The following RBFOX1 variants were observed in gnomAD, a reference collection of about 807,000 sequenced individuals.
RBFOX1 encodes RNA binding fox-1 homolog 1, also known as RNA binding protein fox-1 homolog 1.
RBFOX1 carries 8 observed loss-of-function variants against 57.7 expected under a neutral mutation model. The observed-to-expected ratio is 0.14, with a 90% CI of 0.08 to 0.25. The LOEUF (loss-of-function observed/expected upper bound fraction) is 0.25, where lower values mean the gene tolerates loss of function less well. Ranked by LOEUF, RBFOX1 falls within the 10% of genes least tolerant of loss-of-function variation. RBFOX1 has a pLI of 1.00. For missense variants in RBFOX1, 611 were observed against 548.5 expected (o/e 1.11, Z -1.14); for synonymous variants, 326 against 222.4 (o/e 1.47, Z -4.15).
intron 3 of RBFOX1, among the ~76,000 whole-genome samples, chr16:6,961,710 C>T (rs766318627): frequency 6.6e-6 from 1 of 152,138 alleles, no homozygotes; most frequent in Admixed American, 6.5e-5. Flanking sequence ...GTTCCTTCCT[C>T]ACCTTTAGAC....
At chr16:5,381,219 G>A (rs76065136) in intron 1 of RBFOX1, among the ~76,000 whole-genome samples, 4,861 of 152,324 alleles carry the variant, frequency 0.032, 109 homozygotes, top group Middle Eastern at 0.065. Context: ...TCAGTAAAAG[G>A]CAGGGCAGAC....
At chr16:6,822,251 A>G (rs2091434404) in intron 3 of RBFOX1, among the ~76,000 whole-genome samples, 1 of 152,146 alleles carries the variant, frequency 6.6e-6, no homozygotes. Context: ...TTGAGTATCA[A>G]TGCTCAGTAG....
rs545365215 is a variant in RBFOX1, at chr16:6,447,887, C to G, written c.-64+130830C>G. 9.2e-4 allele frequency among the ~76,000 whole-genome samples: 140 copies of G among 152,204 alleles called. 1 individual carries two copies. The highest frequency in any genetic ancestry group is 4.8e-3 in the South Asian group (23 of 4,816). On this transcript the variant is annotated intron_variant, in intron 2 of 15. Transcript: ENST00000550418. ...ATCGGAGTGAACCTGTGTGTTAGGA[C>G]TTGTTCAAGGGAGTGACATCACACA...
intron 15 of RBFOX1, chr16:7,709,568 C>A (rs1483342857): frequency 6.5e-7 from 1 of 1,529,826 alleles, no homozygotes; most frequent in South Asian, 1.2e-5. Flanking sequence ...TGTCAGGCAG[C>A]TGAGAATCTG....
chr16:7,263,163 T>C (rs1040514720), intron 4 of RBFOX1, among the ~76,000 whole-genome samples: 3 of 152,222 alleles, frequency 2.0e-5, no homozygotes, highest in Non-Finnish European at 4.4e-5. Flanking sequence ...TTATGTGTAT[T>C]TCTTCTCTGT....
At chr16:6,745,609 T>A (rs1206835921) in intron 3 of RBFOX1, among the ~76,000 whole-genome samples, 1 of 152,194 alleles carries the variant, frequency 6.6e-6, no homozygotes, top group Admixed American at 6.5e-5. Context: ...GATTCTAGTT[T>A]TTTAAAAAGC....
At chr16:6,562,306 C>T (rs1323442507) in intron 2 of RBFOX1, among the ~76,000 whole-genome samples, 1 of 152,182 alleles carries the variant, frequency 6.6e-6, no homozygotes, top group Non-Finnish European at 1.5e-5. Context: ...TTGTACAGAA[C>T]AGTCATTGTA....
intron 2 of RBFOX1, among the ~76,000 whole-genome samples, chr16:5,496,502 C>T (rs988251217): frequency 1.3e-5 from 2 of 152,278 alleles, no homozygotes; most frequent in Admixed American, 1.3e-4. Context: ...CATCTTCTTT[C>T]CTCATCTCTC....
At chr16:7,023,632 A>G (rs1057212570) in intron 3 of RBFOX1, among the ~76,000 whole-genome samples, 2 of 149,220 alleles carry the variant, frequency 1.3e-5, no homozygotes, top group African/African-American at 4.9e-5. Context: ...TAATTTCAGC[A>G]CTGGGAAGGC....
rs141044668 is a variant in RBFOX1, at chr16:7,084,978, C to T, written c.27+32880C>T. ...TCTATGTATCTGTCTGTCTGTCTGT[C>T]CATCCGTCCATCCATCCATGCATCC... On this transcript the variant is annotated intron_variant, in intron 4 of 15. Transcript: ENST00000550418. 1.2e-3 allele frequency among the ~76,000 whole-genome samples: 177 copies of T among 152,268 alleles called. 1 individual carries two copies. The highest frequency in any genetic ancestry group is 3.4e-3 in the Middle Eastern group (1 of 294).
intron 4 of RBFOX1, among the ~76,000 whole-genome samples, chr16:6,004,130 T>C (rs1173115142): frequency 2.0e-5 from 3 of 152,162 alleles, no homozygotes; most frequent in Non-Finnish European, 1.5e-5. Context: ...CAAACCACCA[T>C]AGCACACGTT....
intron 1 of RBFOX1, among the ~76,000 whole-genome samples, chr16:5,435,800 A>G (rs1597057436): frequency 6.6e-6 from 1 of 152,250 alleles, no homozygotes; most frequent in South Asian, 2.1e-4. Flanking sequence ...AATTTTTAAG[A>G]TCACATAGCA....
At chr16:7,239,879 G>T (rs754116917) in intron 4 of RBFOX1, among the ~76,000 whole-genome samples, 4 of 135,470 alleles carry the variant, frequency 3.0e-5, no homozygotes, top group Non-Finnish European at 6.8e-5. Flanking sequence ...CATAGAGTTC[G>T]TTGTGCTAAA....
chr16:7,192,140 G>C (rs1224717327), intron 4 of RBFOX1, among the ~76,000 whole-genome samples: 13 of 152,184 alleles, frequency 8.5e-5, no homozygotes, highest in Admixed American at 7.9e-4. Flanking sequence ...GTGGGGGAAG[G>C]GGGTAGGTAG....
chr16:7,264,097 A>G (rs1181099633), intron 4 of RBFOX1, among the ~76,000 whole-genome samples: 1 of 152,054 alleles, frequency 6.6e-6, no homozygotes, highest in Non-Finnish European at 1.5e-5. Flanking sequence ...ACTCACAGTG[A>G]TCTTAAACAA....
At chr16:6,677,800 A>T (rs2057997431) in intron 3 of RBFOX1, among the ~76,000 whole-genome samples, 1 of 152,142 alleles carries the variant, frequency 6.6e-6, no homozygotes, top group Admixed American at 6.6e-5. Flanking sequence ...AAGACTGAAC[A>T]ATGGTGGCAG....
intron 3 of RBFOX1, among the ~76,000 whole-genome samples, chr16:6,974,330 C>CTTTCTCTTTTTTT (rs2086280829): frequency 1.8e-5 from 1 of 55,158 alleles, no homozygotes; most frequent in Non-Finnish European, 3.9e-5. Context: ...ACATTTTTTT[C>CTTTCTCTTTTTTT]TTTTTCTTTT....
At chr16:6,609,820 C>A (rs1309550001) in intron 2 of RBFOX1, among the ~76,000 whole-genome samples, 1 of 151,940 alleles carries the variant, frequency 6.6e-6, no homozygotes, top group Non-Finnish European at 1.5e-5. Flanking sequence ...CCATCCTGGC[C>A]AACATGGTGA....
intron 3 of RBFOX1, among the ~76,000 whole-genome samples, chr16:6,804,170 G>C (rs1010573861): frequency 6.6e-6 from 1 of 151,944 alleles, no homozygotes; most frequent in Non-Finnish European, 1.5e-5. Flanking sequence ...ACCATGCCCA[G>C]CTAACTTGTT....
Sources: allele counts gnomAD v4.1 joint callset (sites outside exome capture counted in the v4.1 genomes callset), GRCh38; gene constraint gnomAD v4.1.1; transcripts MANE v1.5; gene names NCBI Gene and HGNC (gene_info 2026-07-23, HGNC 2026-07-21).